Variants in GRM3 observed in about 807,000 individuals in gnomAD.
GRM3 encodes metabotropic glutamate receptor 3.
In GRM3, 26 loss-of-function variants were observed where a neutral mutation model predicts 70.5. That is an observed-to-expected ratio of 0.37 (90% CI 0.27 to 0.51). The LOEUF (loss-of-function observed/expected upper bound fraction) is 0.51. Among genes scored for constraint, GRM3 ranks in the 20% least tolerant of loss-of-function variants. The probability of loss-of-function intolerance (pLI) is 0.93; values close to 1 mark genes in which losing one functional copy is unlikely to be tolerated. For synonymous variants in GRM3, 443 were observed against 434.9 expected, an observed-to-expected ratio of 1.02 and a Z score of -0.23; for missense variants, 859 against 1,123.8, an observed-to-expected ratio of 0.76 and a Z score of 3.37.
intron 3 of GRM3, among the ~76,000 whole-genome samples, chr7:86,809,902 CCAAA>C (rs1797875363): frequency 1.3e-5 from 2 of 151,874 alleles, no homozygotes; most frequent in Non-Finnish European, 1.5e-5. Context: ...TACACCATTC[CCAAA>C]CAAACAATGC....
At chr7:86,797,933 C>A (rs2190301) in intron 3 of GRM3, among the ~76,000 whole-genome samples, 22,964 of 152,200 alleles carry the variant, frequency 0.15, 1,920 homozygotes, top group Middle Eastern at 0.26. Context: ...GAGCTCAGGC[C>A]ATTGCTTCAC....
chr7:86,711,168 T>C lies in GRM3; in HGVS notation c.-140-53838T>C, dbSNP rs1562834183. On this transcript the variant is annotated intron_variant, in intron 1 of 5. Coordinates refer to ENST00000361669, the MANE Select transcript of GRM3 (RefSeq NM_000840.3). ...ATATGATTTGTCTTCTCTAATTTAA[T>C]TTAATTTAATTTAATTTTATTTTAT... is the stretch of plus-strand genomic sequence containing the variant. Among the ~76,000 whole-genome samples, 4 of 151,592 alleles carry C rather than the reference T, an allele frequency of 2.6e-5. 1 individual carries two copies.
chr7:86,829,772 T>G (rs369705292), intron 3 of GRM3, among the ~76,000 whole-genome samples: 1 of 152,232 alleles, frequency 6.6e-6, no homozygotes, highest in East Asian at 1.9e-4. Context: ...CTATTACAGA[T>G]ATAATAATAA....
chr7:86,857,648 TAAC>T (rs1798875286), intron 5 of GRM3, among the ~76,000 whole-genome samples: 1 of 152,198 alleles, frequency 6.6e-6, no homozygotes, highest in Non-Finnish European at 1.5e-5. Flanking sequence ...TATTAGAGTT[TAAC>T]ACTTTTGGTT....
chr7:86,791,708 T>C (rs1321545585), intron 3 of GRM3, among the ~76,000 whole-genome samples: 1 of 152,206 alleles, frequency 6.6e-6, no homozygotes, highest in Non-Finnish European at 1.5e-5. Context: ...GAAATGCTAT[T>C]GAAGGAATGA....
chr7:86,678,613 TA>T (rs1009266059), intron 1 of GRM3, among the ~76,000 whole-genome samples: 2 of 152,068 alleles, frequency 1.3e-5, no homozygotes, highest in African/African-American at 4.8e-5. Context: ...ATAATTATGA[TA>T]TTTCAAACAT....
At chr7:86,736,804 T>G (rs908845408) in intron 1 of GRM3, among the ~76,000 whole-genome samples, 1 of 152,184 alleles carries the variant, frequency 6.6e-6, no homozygotes, top group Non-Finnish European at 1.5e-5. Flanking sequence ...CTGCATGCAC[T>G]CAAGAAGAGG....
chr7:86,647,901 T>G (rs1241192641), intron 1 of GRM3, among the ~76,000 whole-genome samples: 1 of 152,200 alleles, frequency 6.6e-6, no homozygotes, highest in East Asian at 1.9e-4. Flanking sequence ...TTCCAGAGTC[T>G]TTGAAAGACT....
intron 1 of GRM3, among the ~76,000 whole-genome samples, chr7:86,749,015 T>C (rs998771891): frequency 6.6e-6 from 1 of 152,066 alleles, no homozygotes; most frequent in Non-Finnish European, 1.5e-5. Context: ...TAGTTAGATA[T>C]TTTATGCAAA....
intron 5 of GRM3, among the ~76,000 whole-genome samples, chr7:86,859,067 G>A (rs868036768): frequency 1.3e-5 from 2 of 152,016 alleles, no homozygotes; most frequent in Admixed American, 6.6e-5. Context: ...CTGAAGCCTC[G>A]AACTCCTCGG....
At chr7:86,735,399 G>A (rs1231080994) in intron 1 of GRM3, among the ~76,000 whole-genome samples, 1 of 152,118 alleles carries the variant, frequency 6.6e-6, no homozygotes, top group East Asian at 1.9e-4. Context: ...TTTCTAAGAA[G>A]CTTTATCTAA....
rs143668201 is a variant in GRM3, at chr7:86,780,595, C to T, written c.469-5666C>T. Among the ~76,000 whole-genome samples the T allele has an allele frequency of 4.5e-4, 69 of 152,314 alleles. 1 individual carries two copies. The highest frequency in any genetic ancestry group is 1.6e-3 in the African/African-American group (66 of 41,572). On this transcript the variant is annotated intron_variant, in intron 2 of 5. Transcript: ENST00000361669. ...AAGAGATTCTGCTAAACATAACTTA[C>T]TTGCATGCCGCCTCTCAGGCCCTAG...
At chr7:86,731,249 C>T (rs549352586) in intron 1 of GRM3, among the ~76,000 whole-genome samples, 92 of 152,332 alleles carry the variant, frequency 6.0e-4, no homozygotes, top group African/African-American at 2.2e-3. Context: ...CAAGCTCCTC[C>T]TCCTAACTTT....
In GRM3 at chr7:86,864,420, C is replaced by T. The variant is rs1179886423; in HGVS notation, c.*65C>T. ...AGACAAAAGTGCTCACGTGCAGCTCCAGAATATGGAAACAGAGCAAAAGAA... is the reference window on the plus strand; with the variant it reads ...AGACAAAAGTGCTCACGTGCAGCTCTAGAATATGGAAACAGAGCAAAAGAA... On this transcript the variant is annotated 3_prime_UTR_variant, in exon 6 of 6. Transcript: ENST00000361669. 4 of 1,089,838 alleles carry T rather than the reference C, an allele frequency of 3.7e-6. No individual in the cohort carries two copies. The highest frequency in any genetic ancestry group is 5.7e-6 in the Non-Finnish European group (4 of 701,156). The allele number at this position is 1,089,838 out of a possible 1,614,324, so 67.5% of individuals were successfully genotyped here.
At chr7:86,785,049 G>C (rs567922093) in intron 2 of GRM3, among the ~76,000 whole-genome samples, 4 of 152,318 alleles carry the variant, frequency 2.6e-5, no homozygotes, top group African/African-American at 9.6e-5. Flanking sequence ...CCTATTTCAA[G>C]CTGTGCTTGC....
intron 1 of GRM3, among the ~76,000 whole-genome samples, chr7:86,756,839 T>G (rs1198489027): frequency 6.6e-6 from 1 of 152,190 alleles, no homozygotes; most frequent in Non-Finnish European, 1.5e-5. Flanking sequence ...TGTGTTAGAC[T>G]ACTAAATATT....
At chr7:86,706,264 G>C (rs1795055186) in intron 1 of GRM3, among the ~76,000 whole-genome samples, 1 of 152,024 alleles carries the variant, frequency 6.6e-6, no homozygotes, top group African/African-American at 2.4e-5. Context: ...AGGGTGAGTA[G>C]AGCCCATCCT....
In GRM3 at chr7:86,808,031, A is replaced by G. The variant is rs1044422368; in HGVS notation, c.1324+20915A>G. On this transcript the variant is annotated intron_variant, in intron 3 of 5. Transcript: ENST00000361669. ...GTGGTTTTTGTCTTTGGTTCTGTTT[A>G]TATGATGGATTACATTTATTGATTT... 1.2e-4 allele frequency among the ~76,000 whole-genome samples: 19 copies of G among 152,250 alleles called. 1 individual carries two copies. In the East Asian group the frequency reaches 1.4e-3, roughly 11 times the overall value.
At chr7:86,849,710 A>G (rs1032264800) in intron 4 of GRM3, among the ~76,000 whole-genome samples, 1 of 152,174 alleles carries the variant, frequency 6.6e-6, no homozygotes, top group African/African-American at 2.4e-5. Context: ...AAGAGGGAGA[A>G]GTGAAAATTA....
Sources: allele counts gnomAD v4.1 joint callset (sites outside exome capture counted in the v4.1 genomes callset), GRCh38; gene constraint gnomAD v4.1.1; transcripts MANE v1.5; gene names NCBI Gene and HGNC (gene_info 2026-07-23, HGNC 2026-07-21).